RCAN2: variants seen among roughly 807,000 people sequenced by gnomAD.
The protein encoded by RCAN2 is calcipressin-2.
In RCAN2, 9 loss-of-function variants were observed where a neutral mutation model predicts 23.6. That is an observed-to-expected ratio of 0.38 (90% CI 0.23 to 0.67). The LOEUF (loss-of-function observed/expected upper bound fraction) is 0.67, where lower values mean the gene tolerates loss of function less well. RCAN2 is among the 30% of genes least tolerant of loss of function. The pLI is 0.51. For missense variants in RCAN2, 273 were observed against 302.3 expected, an observed-to-expected ratio of 0.90 and a Z score of 0.72; for synonymous variants, 109 against 115.7, an observed-to-expected ratio of 0.94 and a Z score of 0.37.
At chr6:46,355,941 C>T (rs1050220110) in intron 2 of RCAN2, among the ~76,000 whole-genome samples, 1 of 152,222 alleles carries the variant, frequency 6.6e-6, no homozygotes, top group South Asian at 2.1e-4. Flanking sequence ...CTGATGCCTT[C>T]TCTACTAACC....
At chr6:46,233,355 T>C (rs544851765) in intron 4 of RCAN2, among the ~76,000 whole-genome samples, 2 of 152,352 alleles carry the variant, frequency 1.3e-5, no homozygotes, top group East Asian at 3.9e-4. Flanking sequence ...TGGTGATTCT[T>C]GTTTTTATGT....
At chr6:46,462,628 T>A (rs550980109) in intron 1 of RCAN2, among the ~76,000 whole-genome samples, 1 of 134,578 alleles carries the variant, frequency 7.4e-6, no homozygotes, top group East Asian at 2.0e-4. Flanking sequence ...AGTGAAAAAA[T>A]TTCTTTTCCC....
In RCAN2 at chr6:46,322,981, G is replaced by A. The variant is rs557511270; in HGVS notation, c.226-74085C>T. Among the ~76,000 whole-genome samples the A allele has an allele frequency of 9.9e-5, 15 of 152,226 alleles. No homozygotes were observed. The East Asian group carries it at 1.3e-3, about 14-fold the overall frequency. ...TTTCCCCCTTTTTAATAAGCACAAC[G>A]TAGATCTTTGCTTTTTAATAATGTT... On this transcript the variant is annotated intron_variant, in intron 2 of 4. Transcript: ENST00000371374.
In RCAN2 at chr6:46,480,013, G is replaced by T. The variant is rs1362284939; in HGVS notation, c.-3+11160C>A. ...GCCCACAGCTACTAAAATAGCATTG[G>T]ACAAACTGGATTGCAAATATAAAAC... On this transcript the variant is annotated intron_variant, in intron 1 of 4. Coordinates refer to ENST00000371374, the MANE Select transcript of RCAN2 (RefSeq NM_001251974.2). Among the ~76,000 whole-genome samples the T allele has an allele frequency of 2.0e-5, 3 of 152,106 alleles. 1 individual carries two copies. Among genetic ancestry groups the T allele is most frequent in the Non-Finnish European group, 4.4e-5 (3 of 68,030 alleles).
In RCAN2 at chr6:46,244,196, A is replaced by C. The variant is rs377552515; in HGVS notation, c.571+2552T>G. ...GTGCTATAGATTAGCTGTAACATTA[A>C]GGTAAAAGGCGTGTATTTTTAACAT... is the stretch of plus-strand genomic sequence containing the variant. On this transcript the variant is annotated intron_variant, in intron 4 of 4. Transcript: ENST00000371374. Among the ~76,000 whole-genome samples the C allele has an allele frequency of 3.9e-5, 6 of 152,236 alleles. No homozygotes were observed. In the East Asian group the frequency reaches 9.6e-4, roughly 24 times the overall value.
At chr6:46,285,465 G>A (rs778916500) in intron 2 of RCAN2, among the ~76,000 whole-genome samples, 6 of 152,144 alleles carry the variant, frequency 3.9e-5, no homozygotes, top group East Asian at 1.9e-4. Context: ...TTGCAAAGTC[G>A]CAAATAAAGA....
In RCAN2 at chr6:46,327,786, A is replaced by T. The variant is rs144950744; in HGVS notation, c.226-78890T>A. Among the ~76,000 whole-genome samples, 44 of 152,234 alleles carry T rather than the reference A, an allele frequency of 2.9e-4. 2 individuals are homozygous for T. Among genetic ancestry groups the T allele is most frequent in the Admixed American group, 2.9e-3 (44 of 15,288 alleles). On this transcript the variant is annotated intron_variant, in intron 2 of 4. Transcript: ENST00000371374. ...ATTCGTCAATTTCTATGGTGTAAAT[A>T]TGCTCATCATGGCTGATTTCCAGCA...
intron 2 of RCAN2, among the ~76,000 whole-genome samples, chr6:46,316,876 A>G (rs1763457338): frequency 6.6e-6 from 1 of 152,224 alleles, no homozygotes; most frequent in Admixed American, 6.5e-5. Flanking sequence ...GCAGGCTATA[A>G]TAATACACCA....
At chr6:46,379,223 A>G (rs1166843919) in intron 2 of RCAN2, among the ~76,000 whole-genome samples, 4 of 152,158 alleles carry the variant, frequency 2.6e-5, no homozygotes, top group African/African-American at 7.2e-5. Flanking sequence ...GGGCCCTGCA[A>G]TGTAAGAAAC....
intron 2 of RCAN2, among the ~76,000 whole-genome samples, chr6:46,330,381 C>T (rs1763928734): frequency 6.6e-6 from 1 of 152,220 alleles, no homozygotes; most frequent in Admixed American, 6.5e-5. Flanking sequence ...CACGTCTTCA[C>T]CCACTTCCAT....
chr6:46,333,595 T>G (rs1208248647), intron 2 of RCAN2, among the ~76,000 whole-genome samples: 1 of 152,216 alleles, frequency 6.6e-6, no homozygotes, highest in Non-Finnish European at 1.5e-5. Context: ...CAAATTTTTC[T>G]CCACAGGAAT....
intron 1 of RCAN2, among the ~76,000 whole-genome samples, chr6:46,468,104 C>A (rs1469029927): frequency 6.6e-6 from 1 of 152,146 alleles, no homozygotes; most frequent in African/African-American, 2.4e-5. Flanking sequence ...AGCCCAGGGC[C>A]CAGCAGCTAT....
chr6:46,435,460 T>C (rs1020460097), intron 2 of RCAN2, among the ~76,000 whole-genome samples: 5 of 152,204 alleles, frequency 3.3e-5, no homozygotes, highest in African/African-American at 7.2e-5. Flanking sequence ...TTAAAAACCA[T>C]ATTCAGATTT....
intron 2 of RCAN2, among the ~76,000 whole-genome samples, chr6:46,433,778 C>T (rs992252393): frequency 2.0e-4 from 30 of 152,160 alleles, no homozygotes; most frequent in Admixed American, 1.8e-3. Context: ...AAACACTAAG[C>T]TTGTGGTAAA....
chr6:46,230,534 C>G (rs1047362661), intron 4 of RCAN2, among the ~76,000 whole-genome samples: 5 of 152,188 alleles, frequency 3.3e-5, no homozygotes, highest in African/African-American at 1.2e-4. Flanking sequence ...GACTGCTGTG[C>G]TAGCAGTGAG....
At chr6:46,418,653 G>A (rs1766777224) in intron 2 of RCAN2, among the ~76,000 whole-genome samples, 3 of 144,210 alleles carry the variant, frequency 2.1e-5, no homozygotes, top group Admixed American at 7.0e-5. Flanking sequence ...GAATTTTATC[G>A]GCTGATTGTT....
At chr6:46,295,073 T>G (rs1202953919) in intron 2 of RCAN2, among the ~76,000 whole-genome samples, 6 of 151,988 alleles carry the variant, frequency 3.9e-5, no homozygotes, top group Non-Finnish European at 8.8e-5. Flanking sequence ...AAATCCATAC[T>G]GCTTGCTAAA....
Position 46,429,979 on chromosome 6 carries a change from G to A in RCAN2, c.225+26773C>T, listed in dbSNP as rs752383843. Among the ~76,000 whole-genome samples the A allele has an allele frequency of 5.3e-5, 8 of 152,330 alleles. No individual in the cohort carries two copies. The South Asian group carries it at 1.7e-3, about 32-fold the overall frequency. On this transcript the variant is annotated intron_variant, in intron 2 of 4. Coordinates refer to ENST00000371374, the MANE Select transcript of RCAN2 (RefSeq NM_001251974.2). Reference sequence around the variant, plus strand: ...ATGGCTGGAGACAGAAGACTCAGGAGTGAAGGAAAAGCCTTGAGGTAGGTT... The same window carrying A: ...ATGGCTGGAGACAGAAGACTCAGGAATGAAGGAAAAGCCTTGAGGTAGGTT...
intron 2 of RCAN2, among the ~76,000 whole-genome samples, chr6:46,382,493 C>T: frequency 6.6e-6 from 1 of 152,118 alleles, no homozygotes; most frequent in Non-Finnish European, 1.5e-5. Context: ...ACAGTTTGTA[C>T]TCCACTGAAC....
Sources: allele counts gnomAD v4.1 joint callset (sites outside exome capture counted in the v4.1 genomes callset), GRCh38; gene constraint gnomAD v4.1.1; transcripts MANE v1.5; gene names NCBI Gene and HGNC (gene_info 2026-07-23, HGNC 2026-07-21).